ADRA1D: variants seen among roughly 807,000 people sequenced by gnomAD.
ADRA1D encodes the protein alpha-1D adrenergic receptor.
A neutral mutation model predicts 18.6 loss-of-function variants in ADRA1D; 22 were observed. The observed-to-expected ratio is 1.19, with a 90% CI of 0.85 to 1.69. ADRA1D has a LOEUF of 1.69. Among genes scored for constraint, ADRA1D ranks in the 40% most tolerant of loss-of-function variants. ADRA1D has a pLI of 0.00. For synonymous variants in ADRA1D, 376 were observed against 388.2 expected (o/e 0.97, Z 0.37); for missense variants, 840 against 840.7 (o/e 1.00, Z 0.01).
chr20:4,236,515 T>C (rs1288069160), intron 1 of ADRA1D, among the ~76,000 whole-genome samples: 1 of 151,976 alleles, frequency 6.6e-6, no homozygotes, highest in East Asian at 1.9e-4. Flanking sequence ...CTTGCCAAGA[T>C]GAAGAATTTG....
intron 1 of ADRA1D, among the ~76,000 whole-genome samples, chr20:4,247,243 C>T (rs1981355168): frequency 6.6e-6 from 1 of 152,222 alleles, no homozygotes; most frequent in African/African-American, 2.4e-5. Context: ...TAATTTATCC[C>T]CATCCCTGTG....
intron 1 of ADRA1D, among the ~76,000 whole-genome samples, chr20:4,237,241 C>T (rs1981112899): frequency 6.6e-6 from 1 of 151,924 alleles, no homozygotes; most frequent in South Asian, 2.1e-4. Context: ...AATGAAAGGA[C>T]TTAAAATTTT....
intron 1 of ADRA1D, among the ~76,000 whole-genome samples, chr20:4,230,567 C>T (rs1311035446): frequency 1.3e-5 from 2 of 152,230 alleles, no homozygotes; most frequent in African/African-American, 4.8e-5. Flanking sequence ...CTGGCCTCAA[C>T]CCATATCCTC....
At chr20:4,234,484 A>G (rs1038823157) in intron 1 of ADRA1D, among the ~76,000 whole-genome samples, 1 of 152,018 alleles carries the variant, frequency 6.6e-6, no homozygotes, top group East Asian at 1.9e-4. Context: ...TTTTCTATCC[A>G]TAGTAAGCCA....
intron 1 of ADRA1D, among the ~76,000 whole-genome samples, chr20:4,242,321 T>C (rs1981232330): frequency 6.6e-6 from 1 of 152,230 alleles, no homozygotes; most frequent in Admixed American, 6.5e-5. Context: ...AGATGGCATC[T>C]GGCCTCATCT....
In ADRA1D at chr20:4,248,892, G is replaced by A; in HGVS notation, c.66C>T (p.Gly22=). 2.5e-6 allele frequency: 3 copies of A among 1,199,158 alleles called. No individual in the cohort carries two copies. The highest frequency in any genetic ancestry group is 2.5e-5 in the South Asian group (1 of 40,222). 74.3% of individuals were successfully genotyped at this position (1,199,158 alleles called of 1,614,324 possible). A position where few individuals can be genotyped will look rare whatever the true frequency, so the allele number is the denominator to read the frequency against. Residue 22 remains glycine (G), a synonymous_variant, in exon 1 of 2, where the codon GGC becomes GGT. Coordinates refer to ENST00000379453, the MANE Select transcript of ADRA1D (RefSeq NM_000678.4). ...TGCCCCCGCCGCCGCCCGCGCTGGAGCCCCCTGCGCTGCTGTCCGGGCGGG... is the reference window on the plus strand; with the variant it reads ...TGCCCCCGCCGCCGCCCGCGCTGGAACCCCCTGCGCTGCTGTCCGGGCGGG... ...EGPRPDSSAG[G]SSAGGGGGSA...
rs1486169974 is a variant in ADRA1D, at chr20:4,248,159, T to TG, written c.798dup (p.Met267HisfsTer77). The TG allele has an allele frequency of 6.3e-7, 1 of 1,581,612 alleles. No individual in the cohort carries two copies. The highest frequency in any genetic ancestry group is 1.3e-5 in the African/African-American group (1 of 74,390). On this transcript the variant is annotated frameshift_variant, in exon 1 of 2. Coordinates refer to ENST00000379453, the MANE Select transcript of ADRA1D (RefSeq NM_000678.4). LOFTEE classifies it high-confidence loss of function. The stretch of plus-strand genomic sequence containing the variant: ...CAGTACATGACCACGATGACCGCCA[T>TG]GGGCAGGTAGAAGGAGCACACGGAG...
Position 4,247,977 on chromosome 20 carries a change from G to A in ADRA1D, c.981C>T (p.His327=). The change falls in exon 1 of 2, where the codon CAC becomes CAT. Residue 327 remains histidine, a synonymous_variant. Coordinates refer to ENST00000379453, the MANE Select transcript of ADRA1D (RefSeq NM_000678.4). ...GCACGGAGAGCGAGCTGCGGAAGGTGTGGCCCTTGGCGCTGCGCATGCCGT... is the reference window on the plus strand; with the variant it reads ...GCACGGAGAGCGAGCTGCGGAAGGTATGGCCCTTGGCGCTGCGCATGCCGT... ...GAHGMRSAKG[H]TFRSSLSVRL... 6.3e-7 allele frequency: 1 copy of A among 1,580,866 alleles called. No homozygotes were observed. The highest frequency in any genetic ancestry group is 8.6e-7 in the Non-Finnish European group (1 of 1,164,316).
chr20:4,248,274 G>A lies in ADRA1D; in HGVS notation c.684C>T (p.Ser228=). 1.2e-6 allele frequency: 2 copies of A among 1,608,684 alleles called. No homozygotes were observed. The highest frequency in any genetic ancestry group is 4.5e-5 in the East Asian group (2 of 44,676). The change falls in exon 1 of 2, where the codon TCC becomes TCT. Residue 228 remains serine, a synonymous_variant. Coordinates refer to ENST00000379453, the MANE Select transcript of ADRA1D (RefSeq NM_000678.4). The part of the protein sequence containing the change: ...ALLWVVALVV[S]VGPLLGWKEP... The stretch of plus-strand genomic sequence containing the variant: ...CCTTCCAGCCCAGCAGGGGCCCTAC[G>A]GACACCACCAGGGCTACGACCCAGA...
chr20:4,221,717 G>A lies in ADRA1D; in HGVS notation c.1525C>T (p.Gln509Ter). 1 of 1,608,810 alleles carries A rather than the reference G, an allele frequency of 6.2e-7. No homozygotes were observed. The highest frequency in any genetic ancestry group is 1.1e-5 in the South Asian group (1 of 90,978). Reference protein sequence around the residue: ...LLGPFRRPTTQLRAKVSSLSH... With the variant: ...LLGPFRRPTT Reference sequence around the variant, plus strand: ...AGGCTGGAGACTTTGGCGCGCAGCTGGGTCGTGGGTCTCCGGAACGGCCCC... The same window carrying A: ...AGGCTGGAGACTTTGGCGCGCAGCTAGGTCGTGGGTCTCCGGAACGGCCCC... The change falls in exon 2 of 2, where the codon CAG becomes TAG. Residue 509 changes from glutamine to a stop codon, truncating the protein, a stop_gained. Coordinates refer to ENST00000379453, the MANE Select transcript of ADRA1D (RefSeq NM_000678.4). LOFTEE classifies it low-confidence loss of function (END_TRUNC).
At chr20:4,231,026 CTCTT>C (rs1329167286) in intron 1 of ADRA1D, among the ~76,000 whole-genome samples, 20 of 122,982 alleles carry the variant, frequency 1.6e-4, no homozygotes, top group South Asian at 5.8e-4. Flanking sequence ...TTTTCTCTTT[CTCTT>C]TCTTTCTTTT....
chr20:4,242,366 G>A lies in ADRA1D; in HGVS notation c.1111+5481C>T, dbSNP rs193130120. Among the ~76,000 whole-genome samples, 35 of 152,250 alleles carry A rather than the reference G, an allele frequency of 2.3e-4. 1 individual carries two copies. The highest frequency in any genetic ancestry group is 2.2e-3 in the Admixed American group (33 of 15,298). The stretch of plus-strand genomic sequence containing the variant: ...TCTTCTCATAGGCTACACGTTTTAC[G>A]TCTCCCAAACCACAGAGCAACCCAG... On this transcript the variant is annotated intron_variant, in intron 1 of 1. Transcript: ENST00000379453.
At chr20:4,234,646 C>T (rs150236466) in intron 1 of ADRA1D, among the ~76,000 whole-genome samples, 114 of 152,280 alleles carry the variant, frequency 7.5e-4, no homozygotes, top group African/African-American at 2.4e-3. Context: ...GCTCACGCAA[C>T]GGCCCTAACC....
chr20:4,236,348 GATTA>G (rs1981092222), intron 1 of ADRA1D, among the ~76,000 whole-genome samples: 1 of 152,206 alleles, frequency 6.6e-6, no homozygotes, highest in Admixed American at 6.5e-5. Flanking sequence ...ATGGGTTTGT[GATTA>G]ATTAGTTAAT....
At chr20:4,227,652 TTCCTTCCTTCCC>T (rs1568763264) in intron 1 of ADRA1D, among the ~76,000 whole-genome samples, 3 of 139,016 alleles carry the variant, frequency 2.2e-5, no homozygotes, top group Non-Finnish European at 3.2e-5. Flanking sequence ...GTGCCTTTCT[TTCCTTCCTTCCC>T]TCCTTCCTTC....
rs779432485 is a variant in ADRA1D, at chr20:4,222,118, G to A, written c.1124C>T (p.Pro375Leu). Residue 375 changes from proline to leucine, a missense_variant, in exon 2 of 2, where the codon CCG becomes CTG. Physicochemically the swap from Pro to Leu is moderately conservative, Grantham distance 98. Coordinates refer to ENST00000379453, the MANE Select transcript of ADRA1D (RefSeq NM_000678.4). The surrounding 1 kb of genome is among the most constrained non-coding windows in gnomAD (Gnocchi z 4.3). ...GACGCCCTCCGATGGCTTCAGCTGC[G>A]GGAACAAGGAGCCTGTAGGGAGCAG... is the stretch of plus-strand genomic sequence containing the variant. ...FFVLPLGSLFPQLKPSEGVFK... is the reference protein window; with the variant it reads ...FFVLPLGSLFLQLKPSEGVFK... 1.2e-6 allele frequency: 2 copies of A among 1,612,418 alleles called. No individual in the cohort carries two copies. The highest frequency in any genetic ancestry group is 2.7e-5 in the African/African-American group (2 of 74,526).
In ADRA1D at chr20:4,225,428, C is replaced by CTTTTTTT. The variant is rs11474446; in HGVS notation, c.1112-3305_1112-3299dup. On this transcript the variant is annotated intron_variant, in intron 1 of 1. Coordinates refer to ENST00000379453, the MANE Select transcript of ADRA1D (RefSeq NM_000678.4). ...GTAGCTATTACTTTTTTTTTTCTTT[C>CTTTTTTT]TTTTTTTTTTTTTTTTGAGACAGGG... Among the ~76,000 whole-genome samples the CTTTTTTT allele has an allele frequency of 1.8e-4, 22 of 119,518 alleles. 1 individual carries two copies. Among genetic ancestry groups the CTTTTTTT allele is most frequent in the African/African-American group, 3.5e-4 (11 of 31,572 alleles). 78.4% of individuals were successfully genotyped at this position (119,518 alleles called of 152,430 possible). A position where few individuals can be genotyped will look rare whatever the true frequency, so the allele number is the denominator to read the frequency against.
Position 4,220,747 on chromosome 20 carries a change from G to A in ADRA1D, c.*776C>T, listed in dbSNP as rs1356591429. On this transcript the variant is annotated 3_prime_UTR_variant, in exon 2 of 2. Coordinates refer to ENST00000379453, the MANE Select transcript of ADRA1D (RefSeq NM_000678.4). Reference sequence around the variant, plus strand: ...TAAAGAGGGACAGTTTGCACAGCTTGGACAAAATAGAAGTACTCTTACCAA... The same window carrying A: ...TAAAGAGGGACAGTTTGCACAGCTTAGACAAAATAGAAGTACTCTTACCAA... 2 of 152,428 alleles carry A rather than the reference G, an allele frequency of 1.3e-5. No homozygotes were observed. Among genetic ancestry groups the A allele is most frequent in the African/African-American group, 4.8e-5 (2 of 41,348 alleles). The allele number at this position is 152,428 out of a possible 1,614,324, so 9.4% of individuals were successfully genotyped here. A position where few individuals can be genotyped will look rare whatever the true frequency, so the allele number is the denominator to read the frequency against.
In ADRA1D at chr20:4,248,228, G is replaced by T. The variant is rs1229354229; in HGVS notation, c.730C>A (p.Arg244Ser). The change falls in exon 1 of 2, where the codon CGC becomes AGC. Residue 244 changes from arginine (R) to serine (S), a missense_variant. Coordinates refer to ENST00000379453, the MANE Select transcript of ADRA1D (RefSeq NM_000678.4). ...GWKEPVPPDE[R>S]FCGITEEAGY... ...GCCTCCTCGGTGATACCGCAGAAGC[G>T]CTCGTCAGGGGGCACGGGCTCCTTC... The T allele has an allele frequency of 6.2e-7, 1 of 1,601,692 alleles. No individual in the cohort carries two copies. The highest frequency in any genetic ancestry group is 8.5e-7 in the Non-Finnish European group (1 of 1,174,518).
Sources: allele counts gnomAD v4.1 joint callset (sites outside exome capture counted in the v4.1 genomes callset), GRCh38; gene constraint gnomAD v4.1.1; non-coding constraint Gnocchi (gnomAD v3.1); transcripts MANE v1.5; gene names NCBI Gene and HGNC (gene_info 2026-07-23, HGNC 2026-07-21).